The following ENTPD8 variants were observed in gnomAD, a reference collection of about 807,000 sequenced individuals.
ENTPD8 encodes E-NTPDase 8.
In ENTPD8, 35 loss-of-function variants were observed where a neutral mutation model predicts 47.0. The observed-to-expected ratio is 0.75, with a 90% CI of 0.57 to 0.99. The LOEUF is 0.99. Ranked by LOEUF, ENTPD8 falls within the 50% of genes least tolerant of loss-of-function variation. The probability of loss-of-function intolerance (pLI) is 0.00; values close to 1 mark genes in which losing one functional copy is unlikely to be tolerated. For missense variants in ENTPD8, 668 were observed against 649.9 expected (o/e 1.03, Z -0.30); for synonymous variants, 308 against 290.5 (o/e 1.06, Z -0.61).
chr9:137,435,652 C>T, intron 8 of ENTPD8, 67 bp downstream of exon 8: 1 of 1,461,750 alleles, frequency 6.8e-7, no homozygotes, highest in Non-Finnish European at 9.5e-7. Context: ...GCTCCAGCAT[C>T]CTGCCCGAGG....
At position 137,436,630 on chromosome 9, in the gene ENTPD8, G is replaced by T; in HGVS notation, c.677C>A (p.Thr226Asn). 6.2e-7 allele frequency: 1 copy of T among 1,607,318 alleles called. No homozygotes were observed. Among genetic ancestry groups the T allele is most frequent in the Non-Finnish European group, 8.5e-7 (1 of 1,177,724 alleles). Residue 226 changes from threonine to asparagine, a missense_variant, in exon 6 of 10, where the codon ACC (threonine) becomes AAC (asparagine). Transcript: ENST00000371506. Reference protein sequence around the residue: ...VPGGPILDKSTQADFRLYGSD... With the variant: ...VPGGPILDKSNQADFRLYGSD... ...GCCGTAGAGGCGAAAATCGGCCTGG[G>T]TGCTCTTGTCCAAGATGGGGCCCCC...
chr9:137,437,414 GC>G (rs1477620280), intron 3 of ENTPD8, 105 bp from the exon 4 acceptor site: 6 of 1,398,868 alleles, frequency 4.3e-6, no homozygotes, highest in Non-Finnish European at 5.8e-6. Context: ...GCAGCCACCA[GC>G]CAAGGGCTGC....
Position 137,438,171 on chromosome 9 carries a change from T to C in ENTPD8, c.115A>G (p.Thr39Ala), listed in dbSNP as rs761687099. 6.2e-7 allele frequency: 1 copy of C among 1,609,734 alleles called. No homozygotes were observed. Among genetic ancestry groups the C allele is most frequent in the Non-Finnish European group, 8.5e-7 (1 of 1,178,264 alleles). Residue 39 changes from threonine (T) to alanine (A), a missense_variant, in exon 2 of 10, where the codon ACA (threonine) becomes GCA (alanine). Transcript: ENST00000371506. The surrounding 1 kb of genome is among the most constrained non-coding windows in gnomAD (Gnocchi z 5.7). ...LVEATSVLLP[T>A]DIKFGIVFDA... ...CGGCGGGGACGCACCTTGATGTCTG[T>C]GGGCAGGAGCACGCTGGTGGCCTCC...
rs187604711 is a variant in ENTPD8 at position 137,440,197 on chromosome 9, G to A, written c.-21+1089C>T. ...CATCCCCTCACACAGAACAGTCCCTGAGACCAGGACAGCCCCCCCAGACCA... is the reference window on the plus strand; with the variant it reads ...CATCCCCTCACACAGAACAGTCCCTAAGACCAGGACAGCCCCCCCAGACCA... On this transcript the variant is annotated intron_variant, in intron 1 of 9. Transcript: ENST00000371506. 4.0e-5 allele frequency among the ~76,000 whole-genome samples: 3 copies of A among 75,412 alleles called. No homozygotes were observed. The East Asian group carries it at 1.4e-3, about 36-fold the overall frequency. The allele number at this position is 75,412 out of a possible 152,430, so 49.5% of individuals were successfully genotyped here.
In ENTPD8 at chr9:137,434,412, AC is replaced by A; in HGVS notation, c.*501del. Reference sequence around the variant, plus strand: ...TAAAAACAACCCCCACTGCAGTCTCACCCTCCAAGTGGGTGTGGGAGGCCGG... The same window carrying A: ...TAAAAACAACCCCCACTGCAGTCTCACCTCCAAGTGGGTGTGGGAGGCCGG... On this transcript the variant is annotated 3_prime_UTR_variant, in exon 10 of 10. Transcript: ENST00000371506. The A allele has an allele frequency of 6.6e-7, 1 of 1,514,588 alleles. No homozygotes were observed. The highest frequency in any genetic ancestry group is 8.8e-7 in the Non-Finnish European group (1 of 1,130,656). 93.8% of individuals were successfully genotyped at this position (1,514,588 alleles called of 1,614,324 possible).
rs374954672 is a variant in ENTPD8, at chr9:137,436,234, C to T, written c.829G>A (p.Gly277Ser). ...CCCAGGGCCAGTGTGGTCTGGTAGC[C>T]GCTGAGGTAGCACGGGTGACGGAGC... ...ALLRHPCYLS[G>S]YQTTLALGPL... is the part of the protein sequence containing the mutation. Residue 277 changes from glycine (G) to serine (S), a missense_variant, in exon 7 of 10, where the codon GGC (glycine) becomes AGC (serine). Transcript: ENST00000371506. The T allele has an allele frequency of 1.1e-4, 174 of 1,607,804 alleles. No homozygotes were observed. The highest frequency in any genetic ancestry group is 6.2e-4 in the South Asian group (56 of 90,920).
chr9:137,436,351 C>T lies in ENTPD8; in HGVS notation c.787-75G>A, dbSNP rs1003813611. On this transcript the variant is annotated intron_variant, in intron 6 of 9. Transcript: ENST00000371506. ...TGCCCCTCCCCGGGGCCGGATGACC[C>T]ACGCCAGCCCCGCGCCCATACCCTG... The T allele has an allele frequency of 9.2e-4, 1,322 of 1,444,240 alleles. 2 individuals are homozygous for T. The highest frequency in any genetic ancestry group is 7.8e-3 in the Middle Eastern group (31 of 3,974). 89.5% of individuals were successfully genotyped at this position (1,444,240 alleles called of 1,614,324 possible). A position where few individuals can be genotyped will look rare whatever the true frequency, so the allele number is the denominator to read the frequency against.
rs754526387 is a variant in ENTPD8 at position 137,435,163 on chromosome 9, C to CCCG, written c.1296+40_1296+41insCGG. 2.5e-5 allele frequency: 40 copies of CCCG among 1,601,318 alleles called. 1 individual carries two copies. In the South Asian group the frequency reaches 4.0e-4, roughly 16 times the overall value. On this transcript the variant is annotated intron_variant, in intron 9 of 9. Coordinates refer to ENST00000371506, the MANE Select transcript of ENTPD8 (RefSeq NM_001033113.2). ...GCAGCTACCCCAGGACCACGACCTG[C>CCCG]CCACGCCCACGCCCCGCCCACGCCC...
At chr9:137,435,655 G>C in intron 8 of ENTPD8, 64 bp downstream of exon 8, 1 of 1,467,494 alleles carries the variant, frequency 6.8e-7, no homozygotes, top group South Asian at 1.2e-5. Flanking sequence ...CCAGCATCCT[G>C]CCCGAGGCAG....
chr9:137,437,066 G>A (rs375091607), intron 4 of ENTPD8, 38 bp from the exon 5 acceptor site: 2 of 1,604,078 alleles, frequency 1.2e-6, no homozygotes, highest in African/African-American at 2.7e-5. Flanking sequence ...CTGGCTGGAA[G>A]CCTGGGCCCG....
Position 137,438,279 on chromosome 9 carries a change from G to A in ENTPD8, c.7C>T (p.Leu3=). Residue 3 remains leucine (L), a synonymous_variant, in exon 2 of 10, where the codon CTG becomes TTG. Transcript: ENST00000371506. This position sits in a 1 kb window ranked among gnomAD's most constrained non-coding sequence, Gnocchi z 5.7. MG[L]SRKEQVFLAL... ...AAGAAGACCTGCTCCTTCCGGGACA[G>A]CCCCATGGTGCAGGTGGTACTGGTT... 2 of 1,581,738 alleles carry A rather than the reference G, an allele frequency of 1.3e-6. No individual in the cohort carries two copies. Among genetic ancestry groups the A allele is most frequent in the African/African-American group, 1.3e-5 (1 of 74,630 alleles).
chr9:137,440,236 C>G (rs1238117734), intron 1 of ENTPD8, among the ~76,000 whole-genome samples: 8 of 59,610 alleles, frequency 1.3e-4, no homozygotes, highest in Non-Finnish European at 1.7e-4. Context: ...CACCCCCTCA[C>G]ACAGAACAGA....
At position 137,438,524 on chromosome 9, in the gene ENTPD8, C is replaced by T. The variant is rs1041784951; in HGVS notation, c.-20-219G>A. Among the ~76,000 whole-genome samples the T allele has an allele frequency of 6.6e-6, 1 of 150,792 alleles. No individual in the cohort carries two copies. The highest frequency in any genetic ancestry group is 2.4e-5 in the African/African-American group (1 of 40,936). On this transcript the variant is annotated intron_variant, in intron 1 of 9. Transcript: ENST00000371506. This position sits in a 1 kb window ranked among gnomAD's most constrained non-coding sequence, Gnocchi z 5.7. The stretch of plus-strand genomic sequence containing the variant: ...CTTAGAGGCATCTCCGGGGCTCAGG[C>T]GGCCTCCCGTGGCCATAGAGGCATC...
At chr9:137,435,649 C>G (rs1839324182) in intron 8 of ENTPD8, 70 bp downstream of exon 8, 1 of 1,437,936 alleles carries the variant, frequency 7.0e-7, no homozygotes, top group African/African-American at 1.4e-5. Context: ...GAGGCTCCAG[C>G]ATCCTGCCCG....
Position 137,436,119 on chromosome 9 carries a change from G to A in ENTPD8, c.944C>T (p.Ala315Val), listed in dbSNP as rs1839343258. 1.2e-6 allele frequency: 2 copies of A among 1,612,918 alleles called. No individual in the cohort carries two copies. Among genetic ancestry groups the A allele is most frequent in the Admixed American group, 1.7e-5 (1 of 60,004 alleles). The change falls in exon 7 of 10, where the codon GCC (alanine) becomes GTC (valine). Residue 315 changes from alanine to valine, a missense_variant. Physicochemically the swap from Ala to Val is moderately conservative, Grantham distance 64. Transcript: ENST00000371506. ...LTVEGTGNPG[A>V]CVSAIRELFN... ...AAGTTCCCGGATGGCTGAGACGCAG[G>A]CTCCAGGGTTGCCTGTCCCTTCAAC... is the stretch of plus-strand genomic sequence containing the variant.
In ENTPD8 at chr9:137,436,040, G is replaced by C. The variant is rs768666228; in HGVS notation, c.1023C>G (p.Tyr341Ter). 6.2e-7 allele frequency: 1 copy of C among 1,612,878 alleles called. No homozygotes were observed. Among genetic ancestry groups the C allele is most frequent in the South Asian group, 1.1e-5 (1 of 91,088 alleles). The change falls in exon 7 of 10, where the codon TAC (tyrosine) becomes TAG (stop). Residue 341 changes from tyrosine to a stop codon, truncating the protein, a stop_gained. Coordinates refer to ENST00000371506, the MANE Select transcript of ENTPD8 (RefSeq NM_001033113.2). LOFTEE classifies it high-confidence loss of function. ...AGAACTGGCCCCGCAGCGGGGGCTG[G>C]TAGACCCCGTCAAAGGCGCAGTCCT... ...GQEDCAFDGV[Y>*]QPPLRGQFYA...
At chr9:137,436,795 C>A in intron 5 of ENTPD8, 44 bp from the exon 6 acceptor site, 1 of 1,602,404 alleles carries the variant, frequency 6.2e-7, no homozygotes, top group South Asian at 1.1e-5. Flanking sequence ...GCCACCCGGA[C>A]CCCGTCCCGG....
chr9:137,439,521 G>A (rs923485659), intron 1 of ENTPD8, among the ~76,000 whole-genome samples: 4 of 152,166 alleles, frequency 2.6e-5, no homozygotes, highest in Non-Finnish European at 4.4e-5. Context: ...TCCTGGGCAC[G>A]TGGAAAGTGG....
rs754991362 is a variant in ENTPD8 at position 137,437,153 on chromosome 9, C to T, written c.395+6G>A. Reference sequence around the variant, plus strand: ...CCCGTGGGTGCCAAGGCCATGCCTGCCTCACCTGAGCAACCTCATGCCAGC... The same window carrying T: ...CCCGTGGGTGCCAAGGCCATGCCTGTCTCACCTGAGCAACCTCATGCCAGC... On this transcript the variant is annotated splice_donor_region_variant and intron_variant, in intron 4 of 9. Transcript: ENST00000371506. The T allele has an allele frequency of 2.5e-6, 4 of 1,611,998 alleles. No individual in the cohort carries two copies. Among genetic ancestry groups the T allele is most frequent in the Admixed American group, 1.7e-5 (1 of 59,934 alleles).
Sources: gnomAD v4.1 joint callset for allele counts (sites outside exome capture counted in the v4.1 genomes callset) on GRCh38, gnomAD v4.1.1 for gene constraint, Gnocchi (gnomAD v3.1) non-coding constraint, MANE v1.5 for transcripts, NCBI Gene and HGNC (gene_info 2026-07-23, HGNC 2026-07-21) for gene names.